The following CTNNA3 variants were observed in gnomAD, a reference collection of about 807,000 sequenced individuals.
CTNNA3 encodes the protein catenin alpha 3, also known as catenin alpha-3.
A neutral mutation model predicts 95.7 loss-of-function variants in CTNNA3; 76 were observed. That is an observed-to-expected ratio of 0.79 (90% CI 0.66 to 0.96). The LOEUF is 0.96. Among genes scored for constraint, CTNNA3 ranks in the 40% least tolerant of loss-of-function variants. The probability of loss-of-function intolerance (pLI) is 0.00; values close to 1 mark genes in which losing one functional copy is unlikely to be tolerated. For synonymous variants in CTNNA3, 431 were observed against 374.4 expected, an observed-to-expected ratio of 1.15 and a Z score of -1.74; for missense variants, 1,191 against 1,089.8, an observed-to-expected ratio of 1.09 and a Z score of -1.31.
At chr10:67,061,379 T>C (rs1346123012) in intron 7 of CTNNA3, among the ~76,000 whole-genome samples, 1 of 152,198 alleles carries the variant, frequency 6.6e-6, no homozygotes, top group Non-Finnish European at 1.5e-5. Context: ...GTTTGGTTCA[T>C]CAGCAAAGTA....
chr10:66,377,606 C>T (rs959107011), intron 12 of CTNNA3, among the ~76,000 whole-genome samples: 2 of 151,852 alleles, frequency 1.3e-5, no homozygotes. Context: ...AATATTAGTC[C>T]TCCTAGATTT....
At chr10:67,562,574 G>A (rs1374237779) in intron 3 of CTNNA3, among the ~76,000 whole-genome samples, 10 of 152,080 alleles carry the variant, frequency 6.6e-5, no homozygotes, top group Non-Finnish European at 2.9e-5. Context: ...TTTGAAAACT[G>A]GCACAAGACA....
chr10:66,842,485 G>T (rs1012929363), intron 7 of CTNNA3, among the ~76,000 whole-genome samples: 7 of 152,146 alleles, frequency 4.6e-5, no homozygotes, highest in African/African-American at 1.7e-4. Context: ...AGGAAAGTAA[G>T]ATGGGGAAAA....
intron 6 of CTNNA3, among the ~76,000 whole-genome samples, chr10:67,213,690 T>A (rs188508006): frequency 1.3e-5 from 2 of 151,826 alleles, no homozygotes; most frequent in Non-Finnish European, 3.0e-5. Flanking sequence ...TTATAATTTA[T>A]TCATGACCCA....
intron 14 of CTNNA3, 48 bp downstream of exon 14, chr10:66,103,109 C>G: frequency 6.8e-7 from 1 of 1,472,524 alleles, no homozygotes; most frequent in Admixed American, 1.7e-5. Flanking sequence ...GAGGGCACAG[C>G]CTTCAGTGAC....
At chr10:66,525,109 A>C (rs2132033152) in intron 10 of CTNNA3, among the ~76,000 whole-genome samples, 1 of 152,158 alleles carries the variant, frequency 6.6e-6, no homozygotes, top group Admixed American at 6.6e-5. Flanking sequence ...GCAAAAGCAA[A>C]GTGTGGAGTA....
intron 15 of CTNNA3, among the ~76,000 whole-genome samples, chr10:66,068,789 TAACA>T (rs1213363976): frequency 1.3e-5 from 2 of 152,166 alleles, no homozygotes; most frequent in Non-Finnish European, 2.9e-5. Context: ...TTTAAGACAA[TAACA>T]AACATTTTTA....
intron 7 of CTNNA3, among the ~76,000 whole-genome samples, chr10:67,072,438 G>C (rs1292374085): frequency 6.6e-6 from 1 of 151,926 alleles, no homozygotes; most frequent in African/African-American, 2.4e-5. Flanking sequence ...GTATGTCTAC[G>C]TACTCTTTTA....
intron 16 of CTNNA3, among the ~76,000 whole-genome samples, chr10:65,974,079 G>A (rs1440127522): frequency 6.6e-6 from 1 of 152,100 alleles, no homozygotes; most frequent in East Asian, 1.9e-4. Context: ...TTATTAAAAA[G>A]TCAAATACAA....
intron 7 of CTNNA3, among the ~76,000 whole-genome samples, chr10:67,108,739 A>G (rs570059628): frequency 6.6e-6 from 1 of 152,300 alleles, no homozygotes; most frequent in East Asian, 1.9e-4. Flanking sequence ...ACTAAAATTT[A>G]GAAGTCTTTA....
At chr10:67,561,757 CAA>C (rs1218567418) in intron 3 of CTNNA3, among the ~76,000 whole-genome samples, 1 of 151,628 alleles carries the variant, frequency 6.6e-6, no homozygotes, top group Non-Finnish European at 1.5e-5. Flanking sequence ...CTAAGAAAGA[CAA>C]AAAGAGAGAA....
At chr10:67,369,360 A>G (rs1396141575) in intron 5 of CTNNA3, among the ~76,000 whole-genome samples, 2 of 152,170 alleles carry the variant, frequency 1.3e-5, no homozygotes, top group Admixed American at 6.6e-5. Flanking sequence ...ACCTCACATT[A>G]TATCATTATA....
At chr10:67,751,317 A>C (rs920352488) in intron 1 of CTNNA3, 28 of 808,068 alleles carry the variant, frequency 3.5e-5, no homozygotes, top group Non-Finnish European at 5.9e-5. Context: ...ATTTTAGCCA[A>C]GCTTATCTGA....
At position 66,618,406 on chromosome 10, in the gene CTNNA3, G is replaced by A. The variant is rs190203495; in HGVS notation, c.1374+3286C>T. ...GAACAGAGCCCTCAGAAATAACGCT[G>A]CATATCTATAACTATCTGATCTTTG... is the stretch of plus-strand genomic sequence containing the variant. On this transcript the variant is annotated intron_variant, in intron 10 of 17. Transcript: ENST00000433211. Among the ~76,000 whole-genome samples the A allele has an allele frequency of 9.7e-3, 1,475 of 151,962 alleles. 25 individuals carry two copies. The highest frequency in any genetic ancestry group is 0.034 in the African/African-American group (1,391 of 41,404).
At chr10:66,611,372 T>A (rs1338115662) in intron 10 of CTNNA3, among the ~76,000 whole-genome samples, 2 of 152,032 alleles carry the variant, frequency 1.3e-5, no homozygotes, top group Non-Finnish European at 2.9e-5. Context: ...TGTTTATGTA[T>A]CCAAATATCA....
At chr10:67,738,068 G>A (rs1428105979) in intron 1 of CTNNA3, among the ~76,000 whole-genome samples, 1 of 152,172 alleles carries the variant, frequency 6.6e-6, no homozygotes. Context: ...AGAAAACCGA[G>A]GCAACTAGGG....
intron 7 of CTNNA3, among the ~76,000 whole-genome samples, chr10:67,087,423 G>GA (rs946471196): frequency 2.0e-5 from 3 of 151,646 alleles, no homozygotes; most frequent in Admixed American, 1.3e-4. Context: ...TTTATAGGGG[G>GA]AAAATCACCA....
chr10:65,966,313 G>C (rs2077964615), intron 17 of CTNNA3, among the ~76,000 whole-genome samples: 1 of 152,140 alleles, frequency 6.6e-6, no homozygotes, highest in African/African-American at 2.4e-5. Flanking sequence ...AGTTCCATCT[G>C]TACACATTCT....
intron 14 of CTNNA3, 67 bp from the exon 15 acceptor site, chr10:66,069,556 A>C: frequency 8.5e-7 from 1 of 1,171,454 alleles, no homozygotes; most frequent in Non-Finnish European, 1.2e-6. Flanking sequence ...GAATAAGTAG[A>C]TATTATAGGA....
Sources: allele counts gnomAD v4.1 joint callset (sites outside exome capture counted in the v4.1 genomes callset), GRCh38; gene constraint gnomAD v4.1.1; transcripts MANE v1.5; gene names NCBI Gene and HGNC (gene_info 2026-07-23, HGNC 2026-07-21).